Variants in CDH20 observed in about 807,000 individuals in gnomAD.
CDH20 encodes the protein cadherin-20.
CDH20 carries 29 observed loss-of-function variants against 74.2 expected under a neutral mutation model. That is an observed-to-expected ratio of 0.39 (90% CI 0.29 to 0.53). The LOEUF is 0.53. Among genes scored for constraint, CDH20 ranks in the 20% least tolerant of loss-of-function variants. CDH20 has a pLI of 0.69. For synonymous variants in CDH20, 469 were observed against 405.4 expected (o/e 1.16, Z -1.88); for missense variants, 988 against 1,048.3 (o/e 0.94, Z 0.79).
chr18:61,338,364 A>G (rs1449614114), intron 1 of CDH20, among the ~76,000 whole-genome samples: 3 of 152,124 alleles, frequency 2.0e-5, no homozygotes, highest in Admixed American at 6.5e-5. Context: ...TAATCTGCCA[A>G]TCTCTTGCTA....
intron 1 of CDH20, among the ~76,000 whole-genome samples, chr18:61,480,286 A>G (rs1244228558): frequency 6.6e-6 from 1 of 152,232 alleles, no homozygotes; most frequent in Non-Finnish European, 1.5e-5. Flanking sequence ...GTGAACCTCG[A>G]ATATCTGAGA....
At chr18:61,462,071 C>A (rs115660245) in intron 1 of CDH20, among the ~76,000 whole-genome samples, 1 of 151,998 alleles carries the variant, frequency 6.6e-6, no homozygotes, top group Non-Finnish European at 1.5e-5. Context: ...ATCTGCTAGG[C>A]AAAAAGGGGA....
chr18:61,343,681 T>C (rs766908455), intron 1 of CDH20, among the ~76,000 whole-genome samples: 8 of 152,178 alleles, frequency 5.3e-5, no homozygotes, highest in Non-Finnish European at 8.8e-5. Flanking sequence ...GAGAAATGTT[T>C]GAAAGTCTTC....
intron 1 of CDH20, among the ~76,000 whole-genome samples, chr18:61,456,202 A>G (rs924971697): frequency 1.3e-5 from 2 of 152,222 alleles, no homozygotes; most frequent in African/African-American, 4.8e-5. Flanking sequence ...TGGCTGCTAC[A>G]TAATAAACTT....
chr18:61,469,364 TACACACAC>T (rs35516738), intron 1 of CDH20, among the ~76,000 whole-genome samples: 1,582 of 142,412 alleles, frequency 0.011, 21 homozygotes, highest in African/African-American at 0.036. Context: ...TGAGAATGAA[TACACACAC>T]ACACACACAC....
At chr18:61,468,668 C>G (rs929878509) in intron 1 of CDH20, among the ~76,000 whole-genome samples, 2 of 152,124 alleles carry the variant, frequency 1.3e-5, no homozygotes, top group Non-Finnish European at 2.9e-5. Context: ...CCTCATATAT[C>G]GTGTCCAGGG....
intron 6 of CDH20, 47 bp downstream of exon 6, chr18:61,507,607 G>A (rs776932741): frequency 7.1e-7 from 1 of 1,402,376 alleles, no homozygotes; most frequent in South Asian, 1.3e-5. Flanking sequence ...TGCTTTGAAT[G>A]TTTATGAAAT....
chr18:61,461,957 C>T (rs191769763), intron 1 of CDH20, among the ~76,000 whole-genome samples: 2 of 152,058 alleles, frequency 1.3e-5, no homozygotes, highest in African/African-American at 4.8e-5. Flanking sequence ...CCTATGCAAA[C>T]GAAGACTTGG....
chr18:61,469,375 A>ACC (rs2144375863), intron 1 of CDH20, among the ~76,000 whole-genome samples: 2 of 146,776 alleles, frequency 1.4e-5, no homozygotes, highest in South Asian at 4.2e-4. Flanking sequence ...ACACACACAC[A>ACC]CACACACACA....
intron 9 of CDH20, among the ~76,000 whole-genome samples, chr18:61,543,752 T>C (rs1913125935): frequency 6.6e-6 from 1 of 152,218 alleles, no homozygotes; most frequent in Admixed American, 6.5e-5. Flanking sequence ...CCCTCATGTC[T>C]GTTTTCTGTT....
intron 6 of CDH20, among the ~76,000 whole-genome samples, chr18:61,514,811 T>C (rs552987506): frequency 1.1e-3 from 161 of 152,016 alleles, no homozygotes; most frequent in Middle Eastern, 3.4e-3. Flanking sequence ...TTAGGCTGCT[T>C]GGGGGTCAGG....
At chr18:61,534,870 T>C (rs143681947) in intron 7 of CDH20, among the ~76,000 whole-genome samples, 6 of 152,202 alleles carry the variant, frequency 3.9e-5, no homozygotes, top group Non-Finnish European at 7.3e-5. Context: ...GCTAAAAGAA[T>C]AGATTTTAAA....
At position 61,490,456 on chromosome 18, in the gene CDH20, G is replaced by A. The variant is rs181103378; in HGVS notation, c.-98G>A. On this transcript the variant is annotated 5_prime_UTR_variant, in exon 2 of 12. In the 5' UTR this introduces an upstream ATG that the reference lacks. Transcript: ENST00000262717. ...ACGGGATCTCATTTAGGAAGCATAA[G>A]TGTCCAATCAAAAACTGTGTATTTT... 5.0e-6 allele frequency: 6 copies of A among 1,189,082 alleles called. No individual in the cohort carries two copies. The highest frequency in any genetic ancestry group is 7.3e-6 in the Non-Finnish European group (6 of 824,326). 73.7% of individuals were successfully genotyped at this position (1,189,082 alleles called of 1,614,324 possible).
chr18:61,493,191 C>T (rs572282354), intron 2 of CDH20, among the ~76,000 whole-genome samples: 1 of 152,162 alleles, frequency 6.6e-6, no homozygotes, highest in Admixed American at 6.5e-5. Context: ...TTTACCTTCA[C>T]GTGCAATCGG....
At chr18:61,536,350 A>T (rs1006454085) in intron 7 of CDH20, 143 bp from the exon 8 acceptor site, 9 of 621,360 alleles carry the variant, frequency 1.4e-5, no homozygotes, top group Non-Finnish European at 2.2e-5. Flanking sequence ...GAACAAATAA[A>T]ACCACGAATG....
chr18:61,496,050 TCCCCC>T (rs775102609), intron 2 of CDH20, among the ~76,000 whole-genome samples: 4,814 of 23,196 alleles, frequency 0.21, 322 homozygotes, highest in Non-Finnish European at 0.26. Flanking sequence ...TCCCTTCCTC[TCCCCC>T]CTCTCTCCTC....
chr18:61,409,789 T>G (rs1485099122), intron 1 of CDH20, among the ~76,000 whole-genome samples: 1 of 152,142 alleles, frequency 6.6e-6, no homozygotes, highest in Non-Finnish European at 1.5e-5. Flanking sequence ...TATTAATAGC[T>G]GGTCTCAGTC....
At chr18:61,552,845 C>T (rs535280040) in intron 11 of CDH20, among the ~76,000 whole-genome samples, 96 of 152,316 alleles carry the variant, frequency 6.3e-4, no homozygotes, top group African/African-American at 2.2e-3. Context: ...TCGAATCTCA[C>T]GTCTCCAACC....
In CDH20 at chr18:61,536,440, C is replaced by T. The variant is rs1442153322; in HGVS notation, c.1272-53C>T. The T allele has an allele frequency of 6.0e-6, 9 of 1,507,316 alleles. No individual in the cohort carries two copies. In the African/African-American group the frequency reaches 9.6e-5, roughly 16 times the overall value. 93.4% of individuals were successfully genotyped at this position (1,507,316 alleles called of 1,614,324 possible). On this transcript the variant is annotated intron_variant, in intron 7 of 11. Transcript: ENST00000262717. ...GCACTCAGTTGTCTCATGTGGTATG[C>T]TGTCATATGCTTACCCAAATGCAAA...
Sources: gnomAD v4.1 joint callset for allele counts (sites outside exome capture counted in the v4.1 genomes callset) on GRCh38, gnomAD v4.1.1 for gene constraint, MANE v1.5 for transcripts, NCBI Gene and HGNC (gene_info 2026-07-23, HGNC 2026-07-21) for gene names.